Variants in MRTFA observed in about 807,000 individuals in gnomAD.
MRTFA encodes the protein myocardin related transcription factor A.
MRTFA carries 20 observed loss-of-function variants against 83.5 expected under a neutral mutation model. The observed-to-expected ratio is 0.24, with a 90% CI of 0.17 to 0.35. The LOEUF is 0.35. MRTFA is among the 10% of genes least tolerant of loss of function. MRTFA has a pLI of 1.00. For synonymous variants in MRTFA, 659 were observed against 541.2 expected (o/e 1.22, Z -3.02); for missense variants, 1,200 against 1,224.7 (o/e 0.98, Z 0.30).
chr22:40,413,961 C>A (rs765208915), intron 14 of MRTFA, among the ~76,000 whole-genome samples: 6 of 152,092 alleles, frequency 3.9e-5, no homozygotes, highest in Non-Finnish European at 7.4e-5. Context: ...AAACTGGAAC[C>A]CTTGTGCATT....
chr22:40,618,645 C>A (rs1490304755), intron 1 of MRTFA, among the ~76,000 whole-genome samples: 2 of 152,012 alleles, frequency 1.3e-5, no homozygotes, highest in Non-Finnish European at 2.9e-5. Context: ...AAATCAAGGG[C>A]AGAAGCAGAG....
intron 14 of MRTFA, 55 bp from the exon 15 acceptor site, chr22:40,411,962 C>A: frequency 1.4e-6 from 2 of 1,383,318 alleles, no homozygotes; most frequent in Non-Finnish European, 1.9e-6. Context: ...TGTATATCTA[C>A]ATGCAAAAGA....
At chr22:40,502,013 A>G (rs1370261629) in intron 3 of MRTFA, among the ~76,000 whole-genome samples, 686 of 66,710 alleles carry the variant, frequency 0.01, 2 homozygotes, top group Non-Finnish European at 0.013. Context: ...CGGACGGGGC[A>G]GCTGGCCAGG....
intron 4 of MRTFA, among the ~76,000 whole-genome samples, chr22:40,443,550 C>G (rs1302935974): frequency 1.3e-5 from 2 of 149,636 alleles, no homozygotes; most frequent in East Asian, 2.0e-4. Flanking sequence ...CCAATGGGTA[C>G]AGACAAAAAA....
intron 2 of MRTFA, among the ~76,000 whole-genome samples, chr22:40,553,314 G>A (rs187360203): frequency 2.0e-5 from 3 of 152,262 alleles, no homozygotes; most frequent in African/African-American, 7.2e-5. Flanking sequence ...CAAGACAATG[G>A]GGAAAACGTC....
intron 2 of MRTFA, among the ~76,000 whole-genome samples, chr22:40,572,669 A>T (rs1241564796): frequency 2.6e-5 from 4 of 152,212 alleles, no homozygotes; most frequent in Admixed American, 6.5e-5. Flanking sequence ...ACGGACTTAC[A>T]GTTCCACATT....
intron 3 of MRTFA, among the ~76,000 whole-genome samples, chr22:40,530,876 TC>T (rs1159414337): frequency 1.3e-5 from 2 of 152,220 alleles, no homozygotes; most frequent in African/African-American, 4.8e-5. Flanking sequence ...TCAAAATACT[TC>T]GATAAAATCT....
chr22:40,450,422 C>A (rs748712738), intron 4 of MRTFA, among the ~76,000 whole-genome samples: 4 of 151,836 alleles, frequency 2.6e-5, no homozygotes, highest in African/African-American at 9.7e-5. Context: ...TGCTTTGATG[C>A]TGTTTTCAAT....
chr22:40,486,533 CT>C (rs2147193925), intron 3 of MRTFA, among the ~76,000 whole-genome samples: 1 of 152,244 alleles, frequency 6.6e-6, no homozygotes, highest in African/African-American at 2.4e-5. Flanking sequence ...GGAAAATTTG[CT>C]TCTTTTCTAA....
At chr22:40,541,201 A>G (rs1166207392) in intron 3 of MRTFA, among the ~76,000 whole-genome samples, 1 of 152,194 alleles carries the variant, frequency 6.6e-6, no homozygotes, top group Non-Finnish European at 1.5e-5. Context: ...TTAACCATAG[A>G]AAGCTGTCAA....
intron 3 of MRTFA, among the ~76,000 whole-genome samples, chr22:40,483,194 A>AG (rs1457343611): frequency 6.6e-6 from 1 of 151,978 alleles, no homozygotes; most frequent in Non-Finnish European, 1.5e-5. Flanking sequence ...CCAAATAGCT[A>AG]GGACTGCAGG....
chr22:40,521,974 C>A (rs1404400213), intron 3 of MRTFA: 8 of 152,450 alleles, frequency 5.2e-5, no homozygotes, highest in African/African-American at 1.4e-4. Flanking sequence ...CCTCAGCCTC[C>A]TGCGTAGCTG....
intron 7 of MRTFA, among the ~76,000 whole-genome samples, chr22:40,426,061 T>TA: frequency 6.6e-6 from 1 of 152,264 alleles, no homozygotes; most frequent in South Asian, 2.1e-4. Context: ...GGACAGGACT[T>TA]AAAGTGAACC....
At chr22:40,429,534 G>C in intron 7 of MRTFA, 72 bp downstream of exon 7, 1 of 1,573,280 alleles carries the variant, frequency 6.4e-7, no homozygotes, top group African/African-American at 1.3e-5. Flanking sequence ...GCCCAATTCT[G>C]CTTCAGCCTG....
intron 1 of MRTFA, among the ~76,000 whole-genome samples, chr22:40,618,644 G>A (rs893687371): frequency 4.6e-5 from 7 of 152,052 alleles, no homozygotes; most frequent in African/African-American, 1.7e-4. Context: ...GAAATCAAGG[G>A]CAGAAGCAGA....
intron 9 of MRTFA, among the ~76,000 whole-genome samples, chr22:40,422,189 A>AC (rs1014999917): frequency 5.3e-5 from 8 of 151,900 alleles, no homozygotes; most frequent in Non-Finnish European, 8.8e-5. Context: ...CCTAAGGAGC[A>AC]CCCCCAATTA....
intron 7 of MRTFA, among the ~76,000 whole-genome samples, chr22:40,428,796 C>G (rs1322131857): frequency 6.6e-6 from 1 of 152,082 alleles, no homozygotes; most frequent in African/African-American, 2.4e-5. Flanking sequence ...CACTGAGGAC[C>G]TGGCCTCCCA....
chr22:40,575,869 G>A (rs1227911361), intron 2 of MRTFA, among the ~76,000 whole-genome samples: 1 of 152,140 alleles, frequency 6.6e-6, no homozygotes, highest in African/African-American at 2.4e-5. Flanking sequence ...AGTTAACTGT[G>A]AGGACTGAGT....
intron 3 of MRTFA, among the ~76,000 whole-genome samples, chr22:40,536,274 G>A (rs2055171679): frequency 6.6e-6 from 1 of 152,096 alleles, no homozygotes; most frequent in Admixed American, 6.5e-5. Flanking sequence ...CTAAACTCCA[G>A]CCTGGGCAAC....
Sources: gnomAD v4.1 joint callset for allele counts (sites outside exome capture counted in the v4.1 genomes callset) on GRCh38, gnomAD v4.1.1 for gene constraint, MANE v1.5 for transcripts, NCBI Gene and HGNC (gene_info 2026-07-23, HGNC 2026-07-21) for gene names.